The following PIGA variants were observed in gnomAD, a reference collection of about 807,000 sequenced individuals.
PIGA encodes phosphatidylinositol glycan anchor biosynthesis class A, also known as phosphatidylinositol N-acetylglucosaminyltransferase subunit A.
Under a neutral mutation model 17.1 loss-of-function variants are expected in PIGA, and 3 were observed. The observed-to-expected ratio is 0.18, with a 90% CI of 0.08 to 0.45. The LOEUF is 0.45. Among genes scored for constraint, PIGA ranks in the 20% least tolerant of loss-of-function variants. The pLI, the probability that PIGA is intolerant of heterozygous loss-of-function variation, is 0.99. For synonymous variants in PIGA, 126 were observed against 135.1 expected (o/e 0.93, Z 0.47); for missense variants, 231 against 374.1 (o/e 0.62, Z 3.16).
At position 15,324,933 on chromosome X, in the gene PIGA, C is replaced by A. The variant is rs774149144; in HGVS notation, c.982-62G>T. ...TCATACCTCAGGAAGATCAACAAAACCAGTTAAAACATTATTATGGAATGT... is the reference window on the plus strand; with the variant it reads ...TCATACCTCAGGAAGATCAACAAAAACAGTTAAAACATTATTATGGAATGT... On this transcript the variant is annotated intron_variant, in intron 4 of 5. Transcript: ENST00000333590. 37 of 1,141,092 alleles carry A rather than the reference C, an allele frequency of 3.2e-5. No individual in the cohort carries two copies. In the African/African-American group the frequency reaches 4.5e-4, roughly 14 times the overall value. 94.0% of individuals were successfully genotyped at this position (1,141,092 alleles called of 1,213,427 possible). A position where few individuals can be genotyped will look rare whatever the true frequency, so the allele number is the denominator to read the frequency against.
chrX:15,334,379 G>A (rs374810452), intron 1 of PIGA, among the ~76,000 whole-genome samples: 5 of 109,335 alleles, frequency 4.6e-5, no homozygotes, highest in African/African-American at 1.7e-4. Flanking sequence ...TAGTAGAGAC[G>A]GGGTTTCATC....
intron 2 of PIGA, chrX:15,330,911 C>T (rs1922136745): frequency 5.3e-6 from 1 of 190,456 alleles, no homozygotes; most frequent in East Asian, 1.2e-4. Flanking sequence ...CTGCCCTCTA[C>T]TTCTTTACCA....
intron 5 of PIGA, among the ~76,000 whole-genome samples, chrX:15,322,937 G>A (rs1460424767): frequency 9.0e-6 from 1 of 111,649 alleles, no homozygotes; most frequent in East Asian, 2.8e-4. Flanking sequence ...TGACTTTTTT[G>A]TCCAGCTTTA....
At chrX:15,323,382 T>C (rs1260196108) in intron 5 of PIGA, among the ~76,000 whole-genome samples, 1 of 111,198 alleles carries the variant, frequency 9.0e-6, no homozygotes, top group Non-Finnish European at 1.9e-5. Flanking sequence ...ATTCTATCTC[T>C]GCTCCTAAAG....
chrX:15,331,933 T>C lies in PIGA; in HGVS notation c.-3A>G, dbSNP rs1300506559. On this transcript the variant is annotated 5_prime_UTR_variant, in exon 2 of 6. Transcript: ENST00000333590. The stretch of plus-strand genomic sequence containing the variant: ...CCAGCTCCTCCTCTACAGGCCATGC[T>C]GAGACGGTTTAGACATCAGTTCTTA... 2.5e-6 allele frequency: 3 copies of C among 1,191,563 alleles called. No homozygotes were observed. The highest frequency in any genetic ancestry group is 3.4e-6 in the Non-Finnish European group (3 of 884,551).
chrX:15,321,176 C>A lies in PIGA; in HGVS notation c.*330G>T. ...ACATTAAAAACTGGCCAAAAAATGCCCAGAAAACGTTTGGCCCTTCAGCAC... is the reference window on the plus strand; with the variant it reads ...ACATTAAAAACTGGCCAAAAAATGCACAGAAAACGTTTGGCCCTTCAGCAC... On this transcript the variant is annotated 3_prime_UTR_variant, in exon 6 of 6. Transcript: ENST00000333590. 6.4e-6 allele frequency: 1 copy of A among 157,030 alleles called. No individual in the cohort carries two copies. Among genetic ancestry groups the A allele is most frequent in the Non-Finnish European group, 1.2e-5 (1 of 80,945 alleles). 12.9% of individuals were successfully genotyped at this position (157,030 alleles called of 1,213,427 possible).
rs1020087267 is a variant in PIGA at position 15,331,981 on chromosome X, G to A, written c.-51C>T. ...TTAGAGCAACCCAGTTAAGAGATGTGTCCTCTATTACCTGAAAAAGAGTAA... is the reference window on the plus strand; with the variant it reads ...TTAGAGCAACCCAGTTAAGAGATGTATCCTCTATTACCTGAAAAAGAGTAA... On this transcript the variant is annotated 5_prime_UTR_variant, in exon 2 of 6. Coordinates refer to ENST00000333590, the MANE Select transcript of PIGA (RefSeq NM_002641.4). 4 of 1,131,893 alleles carry A rather than the reference G, an allele frequency of 3.5e-6. No individual in the cohort carries two copies. Among genetic ancestry groups the A allele is most frequent in the Non-Finnish European group, 3.5e-6 (3 of 855,614 alleles). The allele number at this position is 1,131,893 out of a possible 1,213,427, so 93.3% of individuals were successfully genotyped here. A position where few individuals can be genotyped will look rare whatever the true frequency, so the allele number is the denominator to read the frequency against.
chrX:15,333,596 G>A (rs374001805), intron 1 of PIGA, among the ~76,000 whole-genome samples: 1 of 112,132 alleles, frequency 8.9e-6, no homozygotes, highest in South Asian at 3.7e-4. Context: ...CAGGAGAACC[G>A]CTTGAACCCG....
intron 2 of PIGA, among the ~76,000 whole-genome samples, chrX:15,329,777 G>A (rs1251896868): frequency 9.0e-6 from 1 of 111,471 alleles, no homozygotes. Flanking sequence ...ATTAAGTGCT[G>A]TAGAGGTACA....
intron 5 of PIGA, among the ~76,000 whole-genome samples, chrX:15,322,748 T>C (rs1444068524): frequency 2.7e-5 from 3 of 111,968 alleles, no homozygotes; most frequent in African/African-American, 9.7e-5. Context: ...ATACAAACAT[T>C]TTAATCAGAA....
Position 15,321,697 on chromosome X carries a change from G to C in PIGA, c.1264C>G (p.Pro422Ala). The C allele has an allele frequency of 8.3e-7, 1 of 1,208,313 alleles. No individual in the cohort carries two copies. The highest frequency in any genetic ancestry group is 1.1e-6 in the Non-Finnish European group (1 of 892,547). The change falls in exon 6 of 6, where the codon CCA becomes GCA. Residue 422 changes from proline (P) to alanine (A), a missense_variant. Around this residue, in one of 5 missense-constraint regions of PIGA, gnomAD observed 88 missense variants for 100.5 expected, o/e 0.88. Transcript: ENST00000333590. ...AAAGCAAAGATGTAGCCTGTTACTG[G>C]GCCGCAGTGAGAAATAAGTCTGTCC... Reference protein sequence around the residue: ...RLDRLISHCGPVTGYIFALLA... With the variant: ...RLDRLISHCGAVTGYIFALLA...
Position 15,331,985 on chromosome X carries a change from T to C in PIGA, c.-55A>G. 3 of 1,121,067 alleles carry C rather than the reference T, an allele frequency of 2.7e-6. No homozygotes were observed. The highest frequency in any genetic ancestry group is 3.5e-6 in the Non-Finnish European group (3 of 849,535). The allele number at this position is 1,121,067 out of a possible 1,213,427, so 92.4% of individuals were successfully genotyped here. On this transcript the variant is annotated 5_prime_UTR_variant, in exon 2 of 6. Transcript: ENST00000333590. ...AGCAACCCAGTTAAGAGATGTGTCC[T>C]CTATTACCTGAAAAAGAGTAAAACA... is the stretch of plus-strand genomic sequence containing the variant.
rs1333518968 is a variant in PIGA, at chrX:15,321,166, C to CA, written c.*339dup. On this transcript the variant is annotated 3_prime_UTR_variant, in exon 6 of 6. Transcript: ENST00000333590. ...TAATGGTGTTACATTAAAAACTGGC[C>CA]AAAAAATGCCCAGAAAACGTTTGGC... 9 of 151,547 alleles carry CA rather than the reference C, an allele frequency of 5.9e-5. No individual in the cohort carries two copies. Among genetic ancestry groups the CA allele is most frequent in the Admixed American group, 1.5e-4 (2 of 13,342 alleles). The allele number at this position is 151,547 out of a possible 1,213,427, so 12.5% of individuals were successfully genotyped here. A position where few individuals can be genotyped will look rare whatever the true frequency, so the allele number is the denominator to read the frequency against.
At chrX:15,324,218 C>T (rs1326904721) in intron 5 of PIGA, among the ~76,000 whole-genome samples, 4 of 112,279 alleles carry the variant, frequency 3.6e-5, no homozygotes, top group African/African-American at 1.3e-4. Context: ...CAGTAGTTAG[C>T]AAAAGGGCTA....
chrX:15,334,185 CTTTTTT>C lies in PIGA; in HGVS notation c.-63+1310_-63+1315del, dbSNP rs35688150. Among the ~76,000 whole-genome samples the C allele has an allele frequency of 5.5e-3, 349 of 62,910 alleles. 2 individuals are homozygous for C. Among genetic ancestry groups the C allele is most frequent in the African/African-American group, 0.022 (330 of 15,155 alleles). The allele number at this position is 62,910 out of a possible 115,157, so 54.6% of individuals were successfully genotyped here. On this transcript the variant is annotated intron_variant, in intron 1 of 5. Transcript: ENST00000333590. ...CTAGTCTCTCCAACAAATTCATCTA[CTTTTTT>C]TTTTTTTTTTTTTTTTTGAGACGGA...
In PIGA at chrX:15,331,936, G is replaced by A; in HGVS notation, c.-6C>T. On this transcript the variant is annotated 5_prime_UTR_variant, in exon 2 of 6. Transcript: ENST00000333590. ...GCTCCTCCTCTACAGGCCATGCTGA[G>A]ACGGTTTAGACATCAGTTCTTAGAG... 3 of 1,189,071 alleles carry A rather than the reference G, an allele frequency of 2.5e-6. No homozygotes were observed. Among genetic ancestry groups the A allele is most frequent in the Non-Finnish European group, 3.4e-6 (3 of 882,707 alleles).
chrX:15,327,755 C>CA (rs1374843108), intron 2 of PIGA: 6 of 111,220 alleles, frequency 5.4e-5, no homozygotes, highest in Non-Finnish European at 1.1e-4. Context: ...TTCAAACAAA[C>CA]AAAAAACAAC....
At chrX:15,326,926 T>C (rs975548736) in intron 2 of PIGA, 1 of 112,158 alleles carries the variant, frequency 8.9e-6, no homozygotes, top group Non-Finnish European at 1.9e-5. Context: ...AAGAATCTAG[T>C]TCATTAACAA....
Position 15,335,516 on chromosome X carries a change from C to A in PIGA, c.-78G>T. The stretch of plus-strand genomic sequence containing the variant: ...GCGCACTCACCGGTGAGTTCCATGG[C>A]CGCCAGTGTCCGGACCTCCCGCGGC... On this transcript the variant is annotated 5_prime_UTR_variant, in exon 1 of 6. Coordinates refer to ENST00000333590, the MANE Select transcript of PIGA (RefSeq NM_002641.4). The A allele has an allele frequency of 1.0e-6, 1 of 976,248 alleles. No homozygotes were observed. Among genetic ancestry groups the A allele is most frequent in the Non-Finnish European group, 1.3e-6 (1 of 775,775 alleles). The allele number at this position is 976,248 out of a possible 1,213,427, so 80.5% of individuals were successfully genotyped here. A position where few individuals can be genotyped will look rare whatever the true frequency, so the allele number is the denominator to read the frequency against.
Sources: gnomAD v4.1 joint callset for allele counts (sites outside exome capture counted in the v4.1 genomes callset) on GRCh38, gnomAD v4.1.1 for gene constraint, gnomAD v4.1.1 regional missense constraint, MANE v1.5 for transcripts, NCBI Gene and HGNC (gene_info 2026-07-23, HGNC 2026-07-21) for gene names.